The following PPP4R3A variants were observed in gnomAD, a reference collection of about 807,000 sequenced individuals.
PPP4R3A encodes serine/threonine-protein phosphatase 4 regulatory subunit 3A.
PPP4R3A carries 15 observed loss-of-function variants against 91.7 expected under a neutral mutation model. The observed-to-expected ratio is 0.16, with a 90% CI of 0.11 to 0.25. The LOEUF (loss-of-function observed/expected upper bound fraction) is 0.25, where lower values mean the gene tolerates loss of function less well. Ranked by LOEUF, PPP4R3A falls within the 10% of genes least tolerant of loss-of-function variation. PPP4R3A has a pLI of 1.00. For synonymous variants in PPP4R3A, 377 were observed against 348.7 expected (o/e 1.08, Z -0.91); for missense variants, 623 against 998.4 (o/e 0.62, Z 5.07).
chr14:91,490,672 T>C (rs1164433221), intron 2 of PPP4R3A, 75 bp downstream of exon 2: 2 of 1,197,466 alleles, frequency 1.7e-6, no homozygotes, highest in East Asian at 2.5e-5. Flanking sequence ...TTTTTCACTA[T>C]AAGCAATCAG....
At chr14:91,460,240 C>G (rs994470750) in intron 14 of PPP4R3A, among the ~76,000 whole-genome samples, 1 of 152,112 alleles carries the variant, frequency 6.6e-6, no homozygotes, top group Non-Finnish European at 1.5e-5. Context: ...TCTCGGATCT[C>G]CTGACCTCGT....
Position 91,465,435 on chromosome 14 carries a change from A to T in PPP4R3A, c.1661-16T>A. ...CGAAGGGCACCTGAAACACAGAGGC[A>T]TGGTTGTTTAAATCACATACCACTC... On this transcript the variant is annotated splice_polypyrimidine_tract_variant and intron_variant, in intron 10 of 14. Transcript: ENST00000554943. 6.4e-7 allele frequency: 1 copy of T among 1,561,386 alleles called. No individual in the cohort carries two copies. The highest frequency in any genetic ancestry group is 8.6e-7 in the Non-Finnish European group (1 of 1,159,718).
intron 1 of PPP4R3A, among the ~76,000 whole-genome samples, chr14:91,509,062 T>C (rs765739828): frequency 1.2e-4 from 18 of 152,130 alleles, no homozygotes; most frequent in Admixed American, 3.3e-4. Flanking sequence ...CAGCAAAACG[T>C]TCTTCAAAGT....
chr14:91,458,719 G>GT lies in PPP4R3A; in HGVS notation c.*39dup. 6.2e-7 allele frequency: 1 copy of GT among 1,613,538 alleles called. No homozygotes were observed. Among genetic ancestry groups the GT allele is most frequent in the Non-Finnish European group, 8.5e-7 (1 of 1,179,642 alleles). The stretch of plus-strand genomic sequence containing the variant: ...TGTATGGGGGAGGGGTGGAGAACCA[G>GT]TTTTTTTCAACAGGTACTGATCCTA... On this transcript the variant is annotated 3_prime_UTR_variant, in exon 15 of 15. Coordinates refer to ENST00000554943, the MANE Select transcript of PPP4R3A (RefSeq NM_001366432.2).
chr14:91,505,697 GA>G (rs1891251864), intron 1 of PPP4R3A, among the ~76,000 whole-genome samples: 2 of 152,128 alleles, frequency 1.3e-5, no homozygotes, highest in Non-Finnish European at 2.9e-5. Flanking sequence ...ATTTAGAAAA[GA>G]AAAACTTCAA....
intron 3 of PPP4R3A, among the ~76,000 whole-genome samples, chr14:91,484,080 C>T (rs1045591353): frequency 1.3e-5 from 2 of 152,098 alleles, no homozygotes; most frequent in African/African-American, 4.8e-5. Flanking sequence ...TTTGGGATAA[C>T]ACTACAAGAC....
At chr14:91,469,029 ATC>A (rs1888670580) in intron 10 of PPP4R3A, among the ~76,000 whole-genome samples, 1 of 151,942 alleles carries the variant, frequency 6.6e-6, no homozygotes, top group Non-Finnish European at 1.5e-5. Context: ...TAAGATAGTA[ATC>A]AAATCTAAGA....
At chr14:91,477,620 TCAC>T (rs1220809781) in intron 4 of PPP4R3A, among the ~76,000 whole-genome samples, 2 of 152,194 alleles carry the variant, frequency 1.3e-5, no homozygotes, top group East Asian at 3.8e-4. Context: ...ATGTTTCTCA[TCAC>T]TATTTTTTCA....
Position 91,476,392 on chromosome 14 carries a change from G to A in PPP4R3A, c.1110+16C>T, listed in dbSNP as rs1889207967. 1.0e-5 allele frequency: 15 copies of A among 1,499,310 alleles called. No homozygotes were observed. Among genetic ancestry groups the A allele is most frequent in the East Asian group, 2.3e-5 (1 of 43,844 alleles). 92.9% of individuals were successfully genotyped at this position (1,499,310 alleles called of 1,614,324 possible). ...TTAAAAAATGGTAATTAAAAATGAG[G>A]AGACACAAAACTTACAAGGATGACT... is the stretch of plus-strand genomic sequence containing the variant. On this transcript the variant is annotated intron_variant, in intron 6 of 14. Transcript: ENST00000554943.
intron 1 of PPP4R3A, among the ~76,000 whole-genome samples, chr14:91,508,730 G>T (rs1429021850): frequency 6.6e-6 from 1 of 152,186 alleles, no homozygotes; most frequent in Non-Finnish European, 1.5e-5. Context: ...CAAAATTTGT[G>T]AAGCATAAAC....
intron 1 of PPP4R3A, among the ~76,000 whole-genome samples, chr14:91,503,107 C>T (rs904115612): frequency 6.6e-6 from 1 of 152,212 alleles, no homozygotes. Context: ...CTGGCTTCAG[C>T]CTCCTGAGTA....
intron 2 of PPP4R3A, among the ~76,000 whole-genome samples, chr14:91,487,391 C>T (rs774957789): frequency 2.0e-5 from 3 of 151,722 alleles, no homozygotes; most frequent in Non-Finnish European, 4.4e-5. Flanking sequence ...ACAAGAAATA[C>T]TGAATGGTAC....
intron 1 of PPP4R3A, among the ~76,000 whole-genome samples, chr14:91,506,869 C>T (rs1891323584): frequency 6.6e-6 from 1 of 152,192 alleles, no homozygotes; most frequent in African/African-American, 2.4e-5. Flanking sequence ...TCTTTGCATT[C>T]AGTTTTCCTT....
intron 1 of PPP4R3A, among the ~76,000 whole-genome samples, chr14:91,499,505 A>T (rs1890801925): frequency 6.6e-6 from 1 of 152,126 alleles, no homozygotes; most frequent in Non-Finnish European, 1.5e-5. Flanking sequence ...TGTCAAAAGG[A>T]GAAATGCGAC....
chr14:91,491,294 A>G (rs2140135833), intron 1 of PPP4R3A, among the ~76,000 whole-genome samples: 1 of 152,092 alleles, frequency 6.6e-6, no homozygotes, highest in East Asian at 1.9e-4. Flanking sequence ...TCCTGGGCTC[A>G]AGTGATCCTC....
At chr14:91,472,566 C>T (rs1279550393) in intron 9 of PPP4R3A, among the ~76,000 whole-genome samples, 1 of 151,592 alleles carries the variant, frequency 6.6e-6, no homozygotes, top group Non-Finnish European at 1.5e-5. Context: ...TGGGTTCACG[C>T]CATTCTCCTG....
intron 12 of PPP4R3A, among the ~76,000 whole-genome samples, chr14:91,462,501 C>CT (rs10718143): frequency 0.033 from 4,621 of 139,894 alleles, 234 homozygotes; most frequent in African/African-American, 0.11. Flanking sequence ...ACTGTTTGGT[C>CT]TTTTTTTTTT....
intron 4 of PPP4R3A, among the ~76,000 whole-genome samples, chr14:91,478,795 G>A (rs1212867738): frequency 6.6e-6 from 1 of 152,122 alleles, no homozygotes; most frequent in Admixed American, 6.5e-5. Flanking sequence ...TTCTAAACAG[G>A]AACAGACATG....
chr14:91,476,847 T>G, intron 5 of PPP4R3A, 62 bp downstream of exon 5: 21 of 1,412,232 alleles, frequency 1.5e-5, no homozygotes, highest in Non-Finnish European at 1.7e-5. Context: ...TTTACAGGCG[T>G]GAGCCACCAA....
Sources: allele counts gnomAD v4.1 joint callset (sites outside exome capture counted in the v4.1 genomes callset), GRCh38; gene constraint gnomAD v4.1.1; transcripts MANE v1.5; gene names NCBI Gene and HGNC (gene_info 2026-07-23, HGNC 2026-07-21).